The following RAP1GAP2 variants were observed in gnomAD, a reference collection of about 807,000 sequenced individuals.
RAP1GAP2 encodes the protein RAP1 GTPase activating protein 2.
Under a neutral mutation model 95.0 loss-of-function variants are expected in RAP1GAP2, and 27 were observed. That is an observed-to-expected ratio of 0.28 (90% confidence interval 0.21 to 0.39). RAP1GAP2 has a LOEUF of 0.39. RAP1GAP2 is among the 10% of genes least tolerant of loss of function. The pLI is 1.00. For missense variants in RAP1GAP2, 771 were observed against 970.0 expected (o/e 0.79, Z 2.72); for synonymous variants, 373 against 380.9 (o/e 0.98, Z 0.24).
chr17:2,919,572 G>A (rs1044920115), intron 3 of RAP1GAP2, among the ~76,000 whole-genome samples: 3 of 152,018 alleles, frequency 2.0e-5, no homozygotes, highest in African/African-American at 7.2e-5. Flanking sequence ...GGGCCTAAAA[G>A]CCATGGGGGG....
At position 2,963,786 on chromosome 17, in the gene RAP1GAP2, G is replaced by C; in HGVS notation, c.280-70G>C. 1 of 1,351,718 alleles carries C rather than the reference G, an allele frequency of 7.4e-7. No homozygotes were observed. The highest frequency in any genetic ancestry group is 2.5e-5 in the East Asian group (1 of 39,756). The allele number at this position is 1,351,718 out of a possible 1,614,324, so 83.7% of individuals were successfully genotyped here. A position where few individuals can be genotyped will look rare whatever the true frequency, so the allele number is the denominator to read the frequency against. On this transcript the variant is annotated intron_variant, in intron 6 of 24. Transcript: ENST00000254695. This position sits in a 1 kb window ranked among gnomAD's most constrained non-coding sequence, Gnocchi z 4.8. ...CCCACTCCTGGGAGCAGCGCAGAGG[G>C]GACACCGCCACCGGCCCCCTCCCTC...
chr17:2,908,159 G>A (rs561221215), intron 3 of RAP1GAP2, among the ~76,000 whole-genome samples: 70 of 152,296 alleles, frequency 4.6e-4, no homozygotes, highest in African/African-American at 1.7e-3. Flanking sequence ...AGGGCAGCTT[G>A]AGAAGCACTG....
At chr17:2,766,135 T>C (rs1273766476) in intron 1 of RAP1GAP2, among the ~76,000 whole-genome samples, 1 of 152,174 alleles carries the variant, frequency 6.6e-6, no homozygotes, top group Non-Finnish European at 1.5e-5. Context: ...GTGGCAGCCT[T>C]GTGCTCTGCA....
intron 3 of RAP1GAP2, among the ~76,000 whole-genome samples, chr17:2,939,942 G>T (rs2043431515): frequency 6.6e-6 from 1 of 152,266 alleles, no homozygotes; most frequent in South Asian, 2.1e-4. Context: ...TTCCTTGTTT[G>T]ATCTGAAGGA....
intron 19 of RAP1GAP2, among the ~76,000 whole-genome samples, chr17:3,023,113 T>A (rs1163983867): frequency 2.0e-5 from 3 of 152,222 alleles, no homozygotes; most frequent in Non-Finnish European, 4.4e-5. Context: ...ACAAATCCCA[T>A]GGTGAATTGA....
At position 2,965,223 on chromosome 17, in the gene RAP1GAP2, C is replaced by T; in HGVS notation, c.493-317C>T. On this transcript the variant is annotated intron_variant, in intron 7 of 24. Coordinates refer to ENST00000254695, the MANE Select transcript of RAP1GAP2 (RefSeq NM_015085.5). The surrounding 1 kb of genome is among the most constrained non-coding windows in gnomAD (Gnocchi z 4.7). ...TTGAACCCTGGATCTGTCCCTTACT[C>T]ATCGTGTCATCCTGGGCAGTGACTT... 1 of 373,400 alleles carries T rather than the reference C, an allele frequency of 2.7e-6. No individual in the cohort carries two copies. Among genetic ancestry groups the T allele is most frequent in the South Asian group, 2.9e-5 (1 of 34,920 alleles). The allele number at this position is 373,400 out of a possible 1,614,324, so 23.1% of individuals were successfully genotyped here. A position where few individuals can be genotyped will look rare whatever the true frequency, so the allele number is the denominator to read the frequency against.
At chr17:2,928,833 G>A (rs916534851) in intron 3 of RAP1GAP2, among the ~76,000 whole-genome samples, 4 of 152,060 alleles carry the variant, frequency 2.6e-5, no homozygotes, top group Non-Finnish European at 4.4e-5. Flanking sequence ...GGGTGGGGGT[G>A]CCTGTTATAG....
chr17:2,788,144 C>T (rs1475410446), intron 1 of RAP1GAP2, among the ~76,000 whole-genome samples: 1 of 152,060 alleles, frequency 6.6e-6, no homozygotes, highest in African/African-American at 2.4e-5. Context: ...GGTATGTGCA[C>T]TTAAACAATT....
chr17:2,912,092 G>T (rs1013890436), intron 3 of RAP1GAP2, among the ~76,000 whole-genome samples: 25 of 152,228 alleles, frequency 1.6e-4, no homozygotes, highest in Non-Finnish European at 5.9e-5. Flanking sequence ...TTGCTCCTTG[G>T]CACGTGGCTC....
intron 2 of RAP1GAP2, among the ~76,000 whole-genome samples, chr17:2,854,877 A>G (rs903693318): frequency 3.9e-5 from 6 of 152,130 alleles, no homozygotes; most frequent in South Asian, 2.1e-4. Context: ...GCCTCCAGCA[A>G]TGGGGGGAGG....
At chr17:3,007,902 G>T in intron 16 of RAP1GAP2, 109 bp from the exon 17 acceptor site, 1 of 1,345,916 alleles carries the variant, frequency 7.4e-7, no homozygotes, top group Non-Finnish European at 1.0e-6. Flanking sequence ...TTGCTGGGCC[G>T]GGCTGGGCAG....
rs138002876 is a variant in RAP1GAP2 at position 2,897,198 on chromosome 17, C to T, written c.81-8086C>T. 1.2e-4 allele frequency among the ~76,000 whole-genome samples: 18 copies of T among 151,920 alleles called. No homozygotes were observed. The East Asian group carries it at 1.2e-3, about 10-fold the overall frequency. ...ATAAAAATACAAAAAATTGTTTGGG[C>T]GTGGTGGCGCGTGCCTGTAATCCAA... On this transcript the variant is annotated intron_variant, in intron 2 of 24. Transcript: ENST00000254695.
rs529060337 is a variant in RAP1GAP2, at chr17:2,875,190, C to T, written c.81-30094C>T. The stretch of plus-strand genomic sequence containing the variant: ...CAAGCAATTCTCCTGCCTCAGTCTC[C>T]GGAGTAGCTGAGATTACAGGCGTGC... On this transcript the variant is annotated intron_variant, in intron 2 of 24. Transcript: ENST00000254695. Among the ~76,000 whole-genome samples the T allele has an allele frequency of 7.2e-5, 11 of 152,254 alleles. No homozygotes were observed. The South Asian group carries it at 1.5e-3, about 20-fold the overall frequency.
At chr17:2,845,890 A>C (rs1314954797) in intron 2 of RAP1GAP2, among the ~76,000 whole-genome samples, 1 of 149,874 alleles carries the variant, frequency 6.7e-6, no homozygotes, top group East Asian at 2.0e-4. Context: ...AAATAAAATA[A>C]AATTTCTTAT....
intron 1 of RAP1GAP2, among the ~76,000 whole-genome samples, chr17:2,781,751 C>T (rs1192717881): frequency 9.1e-6 from 1 of 109,492 alleles, no homozygotes; most frequent in African/African-American, 3.7e-5. Context: ...TGTGTGAGTA[C>T]GTCTCTGTGT....
chr17:2,767,359 TAAAAAAAAAAAAA>T lies in RAP1GAP2; in HGVS notation c.51-2954_51-2942del, dbSNP rs397857982. 5.2e-3 allele frequency among the ~76,000 whole-genome samples: 279 copies of T among 53,742 alleles called. 5 individuals carry two copies. Among genetic ancestry groups the T allele is most frequent in the African/African-American group, 0.018 (250 of 14,100 alleles). The allele number at this position is 53,742 out of a possible 152,430, so 35.3% of individuals were successfully genotyped here. A position where few individuals can be genotyped will look rare whatever the true frequency, so the allele number is the denominator to read the frequency against. ...CCTGGGCAACAGAGTGAGACTCTGT[TAAAAAAAAAAAAA>T]AAAAAAAAAAAAAAAGGTTGGAATA... is the stretch of plus-strand genomic sequence containing the variant. On this transcript the variant is annotated intron_variant, in intron 1 of 25. Coordinates refer to the RAP1GAP2 transcript ENST00000637138.
intron 2 of RAP1GAP2, among the ~76,000 whole-genome samples, chr17:2,886,281 T>C (rs575088094): frequency 6.6e-6 from 1 of 151,914 alleles, no homozygotes; most frequent in South Asian, 2.1e-4. Context: ...TAAGCGATTC[T>C]TTTGCCTCAG....
At chr17:2,927,177 A>G (rs7210680) in intron 3 of RAP1GAP2, among the ~76,000 whole-genome samples, 63,884 of 149,814 alleles carry the variant, frequency 0.43, 14,905 homozygotes, top group African/African-American at 0.62. Context: ...TTTTTTAGAC[A>G]GAATCTCGCT....
Position 2,866,511 on chromosome 17 carries a change from G to T in RAP1GAP2, c.81-38773G>T, listed in dbSNP as rs2072618307. The stretch of plus-strand genomic sequence containing the variant: ...TTATTGTGATTTTTATTAAATAGAG[G>T]TTTGGGGCCCAAGGGCCTTTGTGTT... On this transcript the variant is annotated intron_variant, in intron 2 of 24. Coordinates refer to ENST00000254695, the MANE Select transcript of RAP1GAP2 (RefSeq NM_015085.5). This position sits in a 1 kb window ranked among gnomAD's most constrained non-coding sequence, Gnocchi z 4.0. 6.6e-6 allele frequency among the ~76,000 whole-genome samples: 1 copy of T among 152,208 alleles called. No individual in the cohort carries two copies. The highest frequency in any genetic ancestry group is 1.5e-5 in the Non-Finnish European group (1 of 68,036).
Sources: gnomAD v4.1 joint callset for allele counts (sites outside exome capture counted in the v4.1 genomes callset) on GRCh38, gnomAD v4.1.1 for gene constraint, Gnocchi (gnomAD v3.1) non-coding constraint, MANE v1.5 for transcripts, NCBI Gene and HGNC (gene_info 2026-07-23, HGNC 2026-07-21) for gene names.